The following SLC35F3 variants were observed in gnomAD, a reference collection of about 807,000 sequenced individuals.
SLC35F3 encodes solute carrier family 35 member F3, also known as putative thiamine transporter SLC35F3.
SLC35F3 carries 25 observed loss-of-function variants against 49.9 expected under a neutral mutation model. The ratio of observed to expected loss-of-function variants is 0.50; its 90% CI spans 0.37 to 0.70. The LOEUF (loss-of-function observed/expected upper bound fraction) is 0.70. Ranked by LOEUF, SLC35F3 falls within the 30% of genes least tolerant of loss-of-function variation. The probability of loss-of-function intolerance (pLI) is 0.00; values close to 1 mark genes in which losing one functional copy is unlikely to be tolerated. For missense variants in SLC35F3, 525 were observed against 639.8 expected (o/e 0.82, Z 1.94); for synonymous variants, 275 against 265.4 (o/e 1.04, Z -0.35).
At chr1:234,312,702 GAA>G (rs1657385933) in intron 4 of SLC35F3, among the ~76,000 whole-genome samples, 1 of 152,202 alleles carries the variant, frequency 6.6e-6, no homozygotes. Context: ...AGCTGGGAGG[GAA>G]AGAGTTGGGG....
At chr1:234,183,567 A>T (rs1666591782) in intron 2 of SLC35F3, among the ~76,000 whole-genome samples, 1 of 142,820 alleles carries the variant, frequency 7.0e-6, no homozygotes, top group African/African-American at 2.4e-5. Context: ...ATATGCATAA[A>T]TACGTAGCAG....
chr1:234,156,039 A>T (rs547182952), intron 2 of SLC35F3, among the ~76,000 whole-genome samples: 16 of 152,162 alleles, frequency 1.1e-4, no homozygotes, highest in Non-Finnish European at 2.2e-4. Context: ...TGGAAAAATT[A>T]TCTATAACAT....
At position 234,130,015 on chromosome 1, in the gene SLC35F3, G is replaced by A. The variant is rs553208252; in HGVS notation, c.284-101402G>A. Among the ~76,000 whole-genome samples the A allele has an allele frequency of 2.6e-5, 4 of 152,254 alleles. No individual in the cohort carries two copies. The South Asian group carries it at 8.3e-4, about 32-fold the overall frequency. On this transcript the variant is annotated intron_variant, in intron 2 of 7. Coordinates refer to ENST00000366618, the MANE Select transcript of SLC35F3 (RefSeq NM_173508.4). ...CTTCCTATGAAAGGACACAAACAGT[G>A]TAAGAAAGTAGTAAGTTGGTGTCAT...
chr1:233,949,789 G>T (rs2102804185), intron 2 of SLC35F3, among the ~76,000 whole-genome samples: 1 of 152,230 alleles, frequency 6.6e-6, no homozygotes, highest in South Asian at 2.1e-4. Context: ...TGAGCACAGA[G>T]AACGTAAGAC....
chr1:234,074,150 A>T (rs1337757578), intron 2 of SLC35F3, among the ~76,000 whole-genome samples: 1 of 152,114 alleles, frequency 6.6e-6, no homozygotes, highest in Non-Finnish European at 1.5e-5. Flanking sequence ...CCTACTCTTC[A>T]TAAGTTAAAC....
intron 3 of SLC35F3, among the ~76,000 whole-genome samples, chr1:234,248,972 G>C (rs1667692053): frequency 6.6e-6 from 1 of 152,196 alleles, no homozygotes; most frequent in Non-Finnish European, 1.5e-5. Flanking sequence ...TCCCTTGCTT[G>C]TACAGCAAAT....
intron 2 of SLC35F3, among the ~76,000 whole-genome samples, chr1:234,188,973 T>G (rs1339367589): frequency 6.6e-6 from 1 of 152,026 alleles, no homozygotes; most frequent in African/African-American, 2.4e-5. Flanking sequence ...CGTTCGGCTC[T>G]CAGGAAGCCA....
intron 3 of SLC35F3, among the ~76,000 whole-genome samples, chr1:234,255,057 A>T (rs141326863): frequency 2.6e-5 from 4 of 152,226 alleles, no homozygotes; most frequent in Non-Finnish European, 5.9e-5. Context: ...TGTGAAAGAG[A>T]TTGTTAAGAA....
intron 2 of SLC35F3, among the ~76,000 whole-genome samples, chr1:234,143,110 T>C (rs547991393): frequency 1.3e-5 from 2 of 152,024 alleles, no homozygotes; most frequent in Non-Finnish European, 2.9e-5. Context: ...ATTATTAACT[T>C]ATCATCCTCA....
At chr1:234,043,930 G>A (rs963635348) in intron 2 of SLC35F3, among the ~76,000 whole-genome samples, 7 of 151,644 alleles carry the variant, frequency 4.6e-5, no homozygotes, top group South Asian at 4.2e-4. Context: ...TTTTTTTCAT[G>A]GTGCTATGGT....
At chr1:234,259,863 G>C (rs533344532) in intron 3 of SLC35F3, among the ~76,000 whole-genome samples, 133 of 151,934 alleles carry the variant, frequency 8.8e-4, no homozygotes, top group Middle Eastern at 6.8e-3. Context: ...TGATATCTTT[G>C]TTTTGATGCT....
At chr1:234,129,865 G>A (rs1665706540) in intron 2 of SLC35F3, among the ~76,000 whole-genome samples, 1 of 151,188 alleles carries the variant, frequency 6.6e-6, no homozygotes, top group Non-Finnish European at 1.5e-5. Context: ...ATCCATATGG[G>A]GGGGAACTAA....
chr1:234,313,994 G>T (rs974844116), intron 4 of SLC35F3, among the ~76,000 whole-genome samples: 1 of 152,234 alleles, frequency 6.6e-6, no homozygotes, highest in African/African-American at 2.4e-5. Context: ...GGTATTGAGA[G>T]TAAGGTAGGA....
chr1:233,954,741 G>A (rs970698054), intron 2 of SLC35F3, among the ~76,000 whole-genome samples: 1 of 152,194 alleles, frequency 6.6e-6, no homozygotes, highest in Non-Finnish European at 1.5e-5. Flanking sequence ...TTGCAGCCTT[G>A]AGGATGAAAG....
chr1:234,134,614 C>T (rs1171112436), intron 2 of SLC35F3, among the ~76,000 whole-genome samples: 2 of 152,070 alleles, frequency 1.3e-5, no homozygotes, highest in African/African-American at 2.4e-5. Context: ...CCTGCCTGCA[C>T]ATTAAAATCA....
chr1:233,972,190 G>T (rs1370216589), intron 2 of SLC35F3, among the ~76,000 whole-genome samples: 1 of 152,254 alleles, frequency 6.6e-6, no homozygotes, highest in Non-Finnish European at 1.5e-5. Context: ...AAGCCCATGA[G>T]CTTTGGTGTT....
At chr1:233,996,252 A>G (rs1036165229) in intron 2 of SLC35F3, among the ~76,000 whole-genome samples, 1 of 152,196 alleles carries the variant, frequency 6.6e-6, no homozygotes, top group African/African-American at 2.4e-5. Context: ...TTTACATAGC[A>G]TTTACATTGT....
chr1:234,039,772 G>A (rs1278189938), intron 2 of SLC35F3, among the ~76,000 whole-genome samples: 1 of 152,198 alleles, frequency 6.6e-6, no homozygotes, highest in East Asian at 1.9e-4. Flanking sequence ...GAACCAGCCG[G>A]CCGCTTTGCA....
chr1:234,035,398 A>C (rs888180275), intron 2 of SLC35F3, among the ~76,000 whole-genome samples: 1 of 152,208 alleles, frequency 6.6e-6, no homozygotes, highest in Non-Finnish European at 1.5e-5. Flanking sequence ...TTTAAAAAAA[A>C]AATCTTCCCT....
Sources: allele counts gnomAD v4.1 joint callset (sites outside exome capture counted in the v4.1 genomes callset), GRCh38; gene constraint gnomAD v4.1.1; transcripts MANE v1.5; gene names NCBI Gene and HGNC (gene_info 2026-07-23, HGNC 2026-07-21).